CAMTA1: variants seen among roughly 807,000 people sequenced by gnomAD.
CAMTA1 encodes the protein calmodulin-binding transcription activator 1.
CAMTA1 carries 27 observed loss-of-function variants against 170.9 expected under a neutral mutation model. The observed-to-expected ratio is 0.16, with a 90% confidence interval of 0.12 to 0.22. The LOEUF is 0.22. Ranked by LOEUF, CAMTA1 falls within the 10% of genes least tolerant of loss-of-function variation. The probability of loss-of-function intolerance (pLI) is 1.00; values close to 1 mark genes in which losing one functional copy is unlikely to be tolerated. For synonymous variants in CAMTA1, 833 were observed against 891.5 expected (o/e 0.93, Z 1.17); for missense variants, 1,619 against 2,217.2 (o/e 0.73, Z 5.42).
At chr1:7,283,674 G>A (rs536832710) in intron 5 of CAMTA1, among the ~76,000 whole-genome samples, 1 of 152,326 alleles carries the variant, frequency 6.6e-6, no homozygotes, top group African/African-American at 2.4e-5. Context: ...AAGGCTGGTA[G>A]TATTTCCTGA....
chr1:7,760,663 C>A (rs776912978), intron 22 of CAMTA1, among the ~76,000 whole-genome samples: 20 of 152,176 alleles, frequency 1.3e-4, no homozygotes, highest in Non-Finnish European at 2.8e-4. Flanking sequence ...TGCTCTGTGT[C>A]ATTCTTATTG....
chr1:7,620,277 T>A (rs894307676), intron 6 of CAMTA1, among the ~76,000 whole-genome samples: 1 of 152,220 alleles, frequency 6.6e-6, no homozygotes, highest in Non-Finnish European at 1.5e-5. Flanking sequence ...GGAGGCCAGA[T>A]GTGCTGCTGA....
At chr1:7,427,547 T>C (rs1232266658) in intron 5 of CAMTA1, among the ~76,000 whole-genome samples, 13 of 152,232 alleles carry the variant, frequency 8.5e-5, no homozygotes, top group Admixed American at 8.5e-4. Flanking sequence ...AATAGTATTT[T>C]ATTTGGGAAT....
At chr1:6,833,255 T>C (rs1013370723) in intron 3 of CAMTA1, among the ~76,000 whole-genome samples, 2 of 152,240 alleles carry the variant, frequency 1.3e-5, no homozygotes, top group Admixed American at 6.5e-5. Flanking sequence ...CAATCTAAAC[T>C]AGTTTTATTA....
Position 7,014,497 on chromosome 1 carries a change from A to G in CAMTA1, c.235-76807A>G, listed in dbSNP as rs1023598755. The stretch of plus-strand genomic sequence containing the variant: ...CCTGCCCCAGCCTGCCCCATTAGAC[A>G]GGGCATGGTGAGGCGAATGGCTGCA... On this transcript the variant is annotated intron_variant, in intron 3 of 22. Coordinates refer to ENST00000303635, the MANE Select transcript of CAMTA1 (RefSeq NM_015215.4). This position sits in a 1 kb window ranked among gnomAD's most constrained non-coding sequence, Gnocchi z 4.2. 1.3e-5 allele frequency among the ~76,000 whole-genome samples: 2 copies of G among 152,192 alleles called. No individual in the cohort carries two copies. The highest frequency in any genetic ancestry group is 4.8e-5 in the African/African-American group (2 of 41,438).
intron 5 of CAMTA1, among the ~76,000 whole-genome samples, chr1:7,304,755 C>T (rs1462964968): frequency 6.6e-6 from 1 of 151,626 alleles, no homozygotes; most frequent in East Asian, 1.9e-4. Context: ...AGAAGATGCT[C>T]TTTATATATT....
At chr1:7,316,015 T>A (rs887442750) in intron 5 of CAMTA1, among the ~76,000 whole-genome samples, 1 of 152,162 alleles carries the variant, frequency 6.6e-6, no homozygotes, top group Non-Finnish European at 1.5e-5. Flanking sequence ...AGAAGCAAGC[T>A]TGGACCTTCT....
In CAMTA1 at chr1:7,251,932, C is replaced by T. The variant is rs193271450; in HGVS notation, c.438+2306C>T. Among the ~76,000 whole-genome samples, 2 of 152,124 alleles carry T rather than the reference C, an allele frequency of 1.3e-5. No homozygotes were observed. Among genetic ancestry groups the T allele is most frequent in the Non-Finnish European group, 2.9e-5 (2 of 68,026 alleles). On this transcript the variant is annotated intron_variant, in intron 5 of 22. Transcript: ENST00000303635. This position sits in a 1 kb window ranked among gnomAD's most constrained non-coding sequence, Gnocchi z 5.1. ...TATTGTTTGCAGTTTACCTTTTCCA[C>T]TCTGCATTGTGGTCTGAGCTGTGTC...
intron 5 of CAMTA1, among the ~76,000 whole-genome samples, chr1:7,393,450 C>CT (rs1033460399): frequency 1.5e-4 from 23 of 151,606 alleles, no homozygotes; most frequent in Non-Finnish European, 2.7e-4. Flanking sequence ...TTTATTTTTT[C>CT]TTTTTTTTGT....
intron 9 of CAMTA1, among the ~76,000 whole-genome samples, chr1:7,667,532 T>A (rs969812607): frequency 1.6e-4 from 25 of 152,060 alleles, no homozygotes; most frequent in African/African-American, 5.6e-4. Context: ...GCCCTTAATG[T>A]CTTGCAGAAG....
chr1:7,545,305 C>T (rs565699594), intron 6 of CAMTA1, among the ~76,000 whole-genome samples: 1 of 152,296 alleles, frequency 6.6e-6, no homozygotes, highest in African/African-American at 2.4e-5. Flanking sequence ...ATTTTAGCAT[C>T]TATGCAACAA....
At chr1:7,253,650 A>G (rs1666946512) in intron 5 of CAMTA1, among the ~76,000 whole-genome samples, 1 of 152,186 alleles carries the variant, frequency 6.6e-6, no homozygotes, top group African/African-American at 2.4e-5. Context: ...CATTTTATAG[A>G]TGGAGAGATT....
At chr1:7,402,337 C>T (rs999832403) in intron 5 of CAMTA1, among the ~76,000 whole-genome samples, 1 of 152,272 alleles carries the variant, frequency 6.6e-6, no homozygotes, top group South Asian at 2.1e-4. Flanking sequence ...CTCTTTCTCC[C>T]CTCACCTTTC....
Position 7,736,927 on chromosome 1 carries a change from A to G in CAMTA1, c.3264-4A>G, listed in dbSNP as rs540717272. The G allele has an allele frequency of 2.5e-6, 4 of 1,610,842 alleles. No individual in the cohort carries two copies. Among genetic ancestry groups the G allele is most frequent in the South Asian group, 2.2e-5 (2 of 90,464 alleles). On this transcript the variant is annotated splice_region_variant and splice_polypyrimidine_tract_variant and intron_variant, in intron 13 of 22. Transcript: ENST00000303635. The surrounding 1 kb of genome is among the most constrained non-coding windows in gnomAD (Gnocchi z 4.5). Reference sequence around the variant, plus strand: ...GTGGTAATTTCTGGTGCTCTCCCTTATAGTACAAAGCACGCGGATAGCATT... The same window carrying G: ...GTGGTAATTTCTGGTGCTCTCCCTTGTAGTACAAAGCACGCGGATAGCATT...
chr1:7,230,703 C>T (rs1662622686), intron 4 of CAMTA1, among the ~76,000 whole-genome samples: 1 of 152,190 alleles, frequency 6.6e-6, no homozygotes, highest in African/African-American at 2.4e-5. Flanking sequence ...TCTGGGAAAG[C>T]ATCCTTATTT....
intron 5 of CAMTA1, among the ~76,000 whole-genome samples, chr1:7,290,684 T>C (rs928427252): frequency 1.3e-5 from 2 of 152,228 alleles, no homozygotes; most frequent in African/African-American, 4.8e-5. Context: ...TGCTGCGACG[T>C]AAATTATTCT....
chr1:7,694,618 A>C (rs772250219), intron 11 of CAMTA1: 1 of 152,610 alleles, frequency 6.6e-6, no homozygotes, highest in Non-Finnish European at 1.5e-5. Context: ...CTCTCGGTCA[A>C]GTGTCCTCCC....
intron 6 of CAMTA1, among the ~76,000 whole-genome samples, chr1:7,637,291 C>T (rs934090658): frequency 1.3e-5 from 2 of 152,234 alleles, no homozygotes; most frequent in African/African-American, 4.8e-5. Flanking sequence ...CATCTCCGCT[C>T]CCTCCTGCAG....
At chr1:7,684,608 G>A (rs1558127561) in intron 11 of CAMTA1, among the ~76,000 whole-genome samples, 1 of 152,182 alleles carries the variant, frequency 6.6e-6, no homozygotes, top group Non-Finnish European at 1.5e-5. Context: ...CCCTCTGCGT[G>A]TGTCTGTGTC....
Sources: allele counts gnomAD v4.1 joint callset (sites outside exome capture counted in the v4.1 genomes callset), GRCh38; gene constraint gnomAD v4.1.1; non-coding constraint Gnocchi (gnomAD v3.1); transcripts MANE v1.5; gene names NCBI Gene and HGNC (gene_info 2026-07-23, HGNC 2026-07-21).